Variants in TEX2 observed in about 807,000 individuals in gnomAD.
TEX2 encodes the protein testis expressed 2.
TEX2 carries 53 observed loss-of-function variants against 106.9 expected under a neutral mutation model. That is an observed-to-expected ratio of 0.50 (90% CI 0.40 to 0.62). The LOEUF (loss-of-function observed/expected upper bound fraction) is 0.62. Ranked by LOEUF, TEX2 falls within the 20% of genes least tolerant of loss-of-function variation. TEX2 has a pLI of 0.00. For synonymous variants in TEX2, 523 were observed against 534.8 expected (o/e 0.98, Z 0.30); for missense variants, 1,207 against 1,379.0 (o/e 0.88, Z 1.98).
At chr17:64,192,118 G>A (rs1018058719) in intron 4 of TEX2, among the ~76,000 whole-genome samples, 2 of 152,196 alleles carry the variant, frequency 1.3e-5, no homozygotes, top group South Asian at 2.1e-4. Flanking sequence ...TACCAGGAGA[G>A]CTAGGCAGTG....
chr17:64,169,895 G>C (rs1174144001), intron 7 of TEX2, among the ~76,000 whole-genome samples: 1 of 152,204 alleles, frequency 6.6e-6, no homozygotes, highest in Non-Finnish European at 1.5e-5. Context: ...GAAGTGGAAA[G>C]AGGCTCACTT....
At position 64,217,722 on chromosome 17, in the gene TEX2, A is replaced by C. The variant is rs1412043132; in HGVS notation, c.-25-3480T>G. ...AGAGACAAGCTTCTCTCAAGCCCTC[A>C]GGAACTGAAAGGCCAAAAAAGAAAG... On this transcript the variant is annotated intron_variant, in intron 1 of 11. Transcript: ENST00000584379. This position sits in a 1 kb window ranked among gnomAD's most constrained non-coding sequence, Gnocchi z 4.3. Among the ~76,000 whole-genome samples, 1 of 152,200 alleles carries C rather than the reference A, an allele frequency of 6.6e-6. No homozygotes were observed. Among genetic ancestry groups the C allele is most frequent in the Non-Finnish European group, 1.5e-5 (1 of 68,024 alleles).
Position 64,255,680 on chromosome 17 carries a change from A to T in TEX2, c.-26+7488T>A, listed in dbSNP as rs2034170584. 2.6e-5 allele frequency: 4 copies of T among 152,334 alleles called. No homozygotes were observed. In the Middle Eastern group the frequency reaches 0.01, roughly 389 times the overall value. The allele number at this position is 152,334 out of a possible 1,614,324, so 9.4% of individuals were successfully genotyped here. On this transcript the variant is annotated intron_variant, in intron 1 of 11. Transcript: ENST00000584379. ...ATAACTTAAATATGGCTGGGTTCATAGCACTTTATTGACTATCCCAAGCCA... is the reference window on the plus strand; with the variant it reads ...ATAACTTAAATATGGCTGGGTTCATTGCACTTTATTGACTATCCCAAGCCA...
intron 5 of TEX2, among the ~76,000 whole-genome samples, chr17:64,177,776 G>GT (rs1318035580): frequency 6.6e-6 from 1 of 152,164 alleles, no homozygotes; most frequent in African/African-American, 2.4e-5. Context: ...AATTAGCTTG[G>GT]TATCAACATT....
intron 1 of TEX2, among the ~76,000 whole-genome samples, chr17:64,218,106 C>T (rs1417988314): frequency 6.6e-6 from 1 of 152,074 alleles, no homozygotes. Flanking sequence ...AATGGCTGGG[C>T]ACGGTGGCTC....
intron 1 of TEX2, among the ~76,000 whole-genome samples, chr17:64,237,106 T>C (rs1163464622): frequency 6.6e-6 from 1 of 152,158 alleles, no homozygotes; most frequent in African/African-American, 2.4e-5. Flanking sequence ...CTGATCCGTT[T>C]TGAATATTAA....
chr17:64,253,750 T>C (rs2034135618), intron 1 of TEX2, among the ~76,000 whole-genome samples: 1 of 152,176 alleles, frequency 6.6e-6, no homozygotes, highest in African/African-American at 2.4e-5. Flanking sequence ...CAATTACCTC[T>C]GGCAGAAAGC....
intron 1 of TEX2, among the ~76,000 whole-genome samples, chr17:64,261,142 C>G (rs1018226248): frequency 2.6e-5 from 4 of 152,066 alleles, no homozygotes; most frequent in African/African-American, 9.7e-5. Context: ...TTCAGAAAAC[C>G]TTCCAGAAAA....
intron 7 of TEX2, among the ~76,000 whole-genome samples, chr17:64,170,646 T>TTTTTC: frequency 6.9e-6 from 1 of 143,914 alleles, no homozygotes; most frequent in Non-Finnish European, 1.5e-5. Context: ...TTTTTTTTTT[T>TTTTTC]TGTGAGACAG....
At chr17:64,197,559 T>G (rs1275946337) in intron 2 of TEX2, among the ~76,000 whole-genome samples, 4 of 152,094 alleles carry the variant, frequency 2.6e-5, no homozygotes, top group African/African-American at 4.8e-5. Flanking sequence ...TATGTATGTA[T>G]CTATCATCTA....
At chr17:64,214,944 A>G (rs918860700) in intron 1 of TEX2, among the ~76,000 whole-genome samples, 1 of 152,234 alleles carries the variant, frequency 6.6e-6, no homozygotes, top group Non-Finnish European at 1.5e-5. Flanking sequence ...TAAAGCAAAC[A>G]TATTTTAAAC....
chr17:64,170,622 CTTTTTTTTTTTTT>C (rs71156002), intron 7 of TEX2, among the ~76,000 whole-genome samples: 1 of 73,742 alleles, frequency 1.4e-5, no homozygotes, highest in Non-Finnish European at 2.4e-5. Flanking sequence ...TATTCCAAAT[CTTTTTTTTTTTTT>C]TTTTTTTTTT....
chr17:64,232,397 CTG>C (rs1555634724), intron 1 of TEX2, among the ~76,000 whole-genome samples: 1 of 152,164 alleles, frequency 6.6e-6, no homozygotes, highest in Admixed American at 6.5e-5. Context: ...TACCAGTAAA[CTG>C]ATTAATTCTG....
At chr17:64,210,417 T>C (rs529927093) in intron 2 of TEX2, among the ~76,000 whole-genome samples, 2 of 152,340 alleles carry the variant, frequency 1.3e-5, no homozygotes, top group Non-Finnish European at 2.9e-5. Context: ...CATATCTTCA[T>C]ATATGCAGAA....
At chr17:64,152,850 G>A (rs2030420962) in intron 10 of TEX2, 95 bp downstream of exon 10, 2 of 1,274,896 alleles carry the variant, frequency 1.6e-6, no homozygotes, top group Non-Finnish European at 1.1e-6. Flanking sequence ...CCCGGGAGAA[G>A]GTACTTTCCA....
intron 8 of TEX2, among the ~76,000 whole-genome samples, chr17:64,159,575 C>G (rs975634957): frequency 1.3e-5 from 2 of 152,070 alleles, no homozygotes; most frequent in South Asian, 2.1e-4. Context: ...GAACGTGATG[C>G]CTTTATGTCC....
intron 4 of TEX2, 96 bp downstream of exon 4, chr17:64,193,463 G>GCTTGCTTCCTTC: frequency 3.0e-6 from 3 of 993,978 alleles, no homozygotes; most frequent in Non-Finnish European, 4.2e-6. Context: ...TTCAGGGTGG[G>GCTTGCTTCCTTC]CTTCCTTCCT....
At chr17:64,249,667 A>C (rs1013275762) in intron 1 of TEX2, among the ~76,000 whole-genome samples, 8 of 152,272 alleles carry the variant, frequency 5.3e-5, no homozygotes, top group South Asian at 2.1e-4. Context: ...CTGCCAAAAC[A>C]ACTCTATCAT....
At position 64,153,271 on chromosome 17, in the gene TEX2, G is replaced by A; in HGVS notation, c.2931-117C>T. The stretch of plus-strand genomic sequence containing the variant: ...CACCACTCGATGTTTTGGATGTGGT[G>A]ATTCTGTGTTGGGGCGGGGGGCATC... On this transcript the variant is annotated intron_variant, in intron 9 of 11. Transcript: ENST00000584379. This position sits in a 1 kb window ranked among gnomAD's most constrained non-coding sequence, Gnocchi z 4.1. 1 of 737,574 alleles carries A rather than the reference G, an allele frequency of 1.4e-6. No homozygotes were observed. The highest frequency in any genetic ancestry group is 2.3e-6 in the Non-Finnish European group (1 of 441,274). The allele number at this position is 737,574 out of a possible 1,614,324, so 45.7% of individuals were successfully genotyped here.
Sources: gnomAD v4.1 joint callset for allele counts (sites outside exome capture counted in the v4.1 genomes callset) on GRCh38, gnomAD v4.1.1 for gene constraint, Gnocchi (gnomAD v3.1) non-coding constraint, MANE v1.5 for transcripts, NCBI Gene and HGNC (gene_info 2026-07-23, HGNC 2026-07-21) for gene names.